Variants in SLCO3A1 observed in about 807,000 individuals in gnomAD.
The protein encoded by SLCO3A1 is solute carrier organic anion transporter family member 3A1, also known as PGE1 transporter.
Under a neutral mutation model 63.1 loss-of-function variants are expected in SLCO3A1, and 27 were observed. That is an observed-to-expected ratio of 0.43 (90% CI 0.32 to 0.59). SLCO3A1 has a LOEUF of 0.59. Ranked by LOEUF, SLCO3A1 falls within the 20% of genes least tolerant of loss-of-function variation. SLCO3A1 has a pLI of 0.09. For synonymous variants in SLCO3A1, 473 were observed against 409.9 expected (o/e 1.15, Z -1.86); for missense variants, 773 against 945.8 (o/e 0.82, Z 2.40).
downstream of SLCO3A1, among the ~76,000 whole-genome samples, chr15:92,170,687 G>A (rs1350851051): frequency 2.6e-5 from 4 of 152,230 alleles, no homozygotes; most frequent in East Asian, 7.7e-4. Context: ...AAGTGAGCCA[G>A]GAGTTGGAGG....
At position 91,863,828 on chromosome 15, in the gene SLCO3A1, G is replaced by A. The variant is rs1897103482; in HGVS notation, c.180+9740G>A. Among the ~76,000 whole-genome samples the A allele has an allele frequency of 6.6e-6, 1 of 152,194 alleles. No homozygotes were observed. Among genetic ancestry groups the A allele is most frequent in the African/African-American group, 2.4e-5 (1 of 41,446 alleles). ...TGTGGCATGTCGTGTCGCCTCCCCA[G>A]TGCTGGTACATACTTTGTAGGTTGG... On this transcript the variant is annotated intron_variant, in intron 1 of 9. Coordinates refer to ENST00000318445, the MANE Select transcript of SLCO3A1 (RefSeq NM_013272.4). This position sits in a 1 kb window ranked among gnomAD's most constrained non-coding sequence, Gnocchi z 4.3.
At chr15:91,924,429 ACGGTAG>A (rs1898946335) in intron 2 of SLCO3A1, among the ~76,000 whole-genome samples, 1 of 152,174 alleles carries the variant, frequency 6.6e-6, no homozygotes, top group Non-Finnish European at 1.5e-5. Context: ...TCAAACACAC[ACGGTAG>A]CTTGCCATGG....
chr15:91,867,151 G>A (rs191860997), intron 1 of SLCO3A1, among the ~76,000 whole-genome samples: 3 of 152,316 alleles, frequency 2.0e-5, no homozygotes, highest in Admixed American at 6.5e-5. Context: ...CATCTCTCTC[G>A]GCCAAGCTTG....
downstream of SLCO3A1, among the ~76,000 whole-genome samples, chr15:92,169,655 C>T (rs974780982): frequency 2.6e-5 from 4 of 152,224 alleles, no homozygotes; most frequent in African/African-American, 9.6e-5. Flanking sequence ...TGCTGGTCAT[C>T]GGCTCCCCCG....
chr15:92,092,126 T>C lies in SLCO3A1; in HGVS notation c.647-2755T>C, dbSNP rs144486545. ...GAGGCCTGGGACCCCAATTGTGCTA[T>C]GATGTCTGGCTAGTCCTCACTTTCA... On this transcript the variant is annotated intron_variant, in intron 2 of 9. Coordinates refer to ENST00000318445, the MANE Select transcript of SLCO3A1 (RefSeq NM_013272.4). Among the ~76,000 whole-genome samples, 438 of 152,292 alleles carry C rather than the reference T, an allele frequency of 2.9e-3. 2 individuals carry two copies. Among genetic ancestry groups the C allele is most frequent in the African/African-American group, 0.01 (423 of 41,578 alleles).
At chr15:92,036,214 A>G (rs2046723647) in intron 2 of SLCO3A1, among the ~76,000 whole-genome samples, 1 of 152,182 alleles carries the variant, frequency 6.6e-6, no homozygotes, top group Admixed American at 6.5e-5. Flanking sequence ...CCTGGAGCAC[A>G]TTCTTTTCTG....
chr15:92,148,918 A>AT (rs1485240345), intron 8 of SLCO3A1: 3 of 152,228 alleles, frequency 2.0e-5, no homozygotes, highest in African/African-American at 7.2e-5. Context: ...TTTAGAGAAG[A>AT]TGATTATAAT....
Position 92,128,350 on chromosome 15 carries a change from GC to G in SLCO3A1, c.1374del (p.Ser458ArgfsTer85). The G allele has an allele frequency of 6.2e-7, 1 of 1,613,458 alleles. No individual in the cohort carries two copies. Among genetic ancestry groups the G allele is most frequent in the Non-Finnish European group, 8.5e-7 (1 of 1,179,788 alleles). On this transcript the variant is annotated frameshift_variant and splice_region_variant, in exon 7 of 10. Coordinates refer to ENST00000318445, the MANE Select transcript of SLCO3A1 (RefSeq NM_013272.4). LOFTEE classifies it high-confidence loss of function. ...GCTTCCGTGTTTCCTTTCTTTTCCAGCACAGCACCTGGCTCAGCCCTGGACC... is the reference window on the plus strand; with the variant it reads ...GCTTCCGTGTTTCCTTTCTTTTCCAGACAGCACCTGGCTCAGCCCTGGACC... ...VAGVTVPYGN[S>X]TAPGSALDPY...
At chr15:92,131,277 T>G (rs1452778594) in intron 7 of SLCO3A1, among the ~76,000 whole-genome samples, 3 of 152,038 alleles carry the variant, frequency 2.0e-5, no homozygotes, top group Non-Finnish European at 4.4e-5. Flanking sequence ...TCTTCAAACA[T>G]GCACTTCTCA....
chr15:91,977,215 A>G (rs1341531699), intron 2 of SLCO3A1, among the ~76,000 whole-genome samples: 6 of 152,198 alleles, frequency 3.9e-5, no homozygotes, highest in African/African-American at 1.4e-4. Flanking sequence ...GAGACCAGCA[A>G]TCAATTCCTC....
At chr15:91,926,598 C>CGCGCGT (rs1899033107) in intron 2 of SLCO3A1, among the ~76,000 whole-genome samples, 2 of 25,606 alleles carry the variant, frequency 7.8e-5, no homozygotes, top group African/African-American at 4.4e-4. Context: ...TGTGTGTGTG[C>CGCGCGT]GCGCGCGCAC....
chr15:91,942,864 C>T lies in SLCO3A1; in HGVS notation c.646+26406C>T, dbSNP rs556607014. Among the ~76,000 whole-genome samples the T allele has an allele frequency of 6.6e-5, 10 of 152,290 alleles. No individual in the cohort carries two copies. Among genetic ancestry groups the T allele is most frequent in the Admixed American group, 2.6e-4 (4 of 15,302 alleles). On this transcript the variant is annotated intron_variant, in intron 2 of 9. Transcript: ENST00000318445. The surrounding 1 kb of genome is among the most constrained non-coding windows in gnomAD (Gnocchi z 4.1). ...ACAGGCATGAGCCACCACACCCAGC[C>T]CTTTGCTGGAAATCTTAAGGGGAGT...
chr15:92,143,422 A>ATATAATATATGTAATAT lies in SLCO3A1; in HGVS notation c.1513-3558_1513-3557insATATATGTAATATTATA, dbSNP rs1567142884. ...ATAATATATATAATATATATATTAT[A>ATATAATATATGTAATAT]TATATATAATATATATAATATATAT... On this transcript the variant is annotated intron_variant, in intron 7 of 9. Transcript: ENST00000318445. Among the ~76,000 whole-genome samples, 2 of 3,406 alleles carry ATATAATATATGTAATAT rather than the reference A, an allele frequency of 5.9e-4. 1 individual carries two copies. Among genetic ancestry groups the ATATAATATATGTAATAT allele is most frequent in the African/African-American group, 4.7e-3 (2 of 424 alleles). 2.2% of individuals were successfully genotyped at this position (3,406 alleles called of 152,430 possible).
At chr15:91,947,060 G>C (rs34850165) in intron 2 of SLCO3A1, among the ~76,000 whole-genome samples, 56,014 of 152,082 alleles carry the variant, frequency 0.37, 11,339 homozygotes, top group East Asian at 0.83. Context: ...ATCGGGTCCC[G>C]AGTGACCACA....
intron 2 of SLCO3A1, among the ~76,000 whole-genome samples, chr15:92,065,933 G>C (rs759970748): frequency 1.3e-5 from 2 of 152,234 alleles, no homozygotes; most frequent in Non-Finnish European, 2.9e-5. Flanking sequence ...AGGAAAGGCA[G>C]TGAGGACACG....
intron 2 of SLCO3A1, among the ~76,000 whole-genome samples, chr15:91,978,383 G>A (rs921418587): frequency 1.3e-5 from 2 of 152,108 alleles, no homozygotes; most frequent in Non-Finnish European, 2.9e-5. Flanking sequence ...TGGCATCCAC[G>A]CAAGGAAAAA....
intron 7 of SLCO3A1, among the ~76,000 whole-genome samples, chr15:92,137,046 A>T (rs1443058469): frequency 1.4e-5 from 2 of 147,792 alleles, no homozygotes; most frequent in Non-Finnish European, 3.0e-5. Flanking sequence ...ATATGTATAC[A>T]TGTGCCATGC....
At position 91,894,745 on chromosome 15, in the gene SLCO3A1, T is replaced by C. The variant is rs941370705; in HGVS notation, c.181-21248T>C. 6.6e-6 allele frequency among the ~76,000 whole-genome samples: 1 copy of C among 152,208 alleles called. No homozygotes were observed. Among genetic ancestry groups the C allele is most frequent in the South Asian group, 2.1e-4 (1 of 4,826 alleles). ...TTTGAATTTCTAAAAGGCTCTCTGG[T>C]GATGTCAGCTACTCCTGCTGGAGCC... On this transcript the variant is annotated intron_variant, in intron 1 of 9. Transcript: ENST00000318445. The surrounding 1 kb of genome is among the most constrained non-coding windows in gnomAD (Gnocchi z 4.8).
chr15:92,145,340 G>A (rs1174966457), intron 7 of SLCO3A1, among the ~76,000 whole-genome samples: 2 of 152,218 alleles, frequency 1.3e-5, no homozygotes, highest in African/African-American at 2.4e-5. Context: ...GGCATTTTAA[G>A]TGAAAGTTGG....
Sources: allele counts gnomAD v4.1 joint callset (sites outside exome capture counted in the v4.1 genomes callset), GRCh38; gene constraint gnomAD v4.1.1; non-coding constraint Gnocchi (gnomAD v3.1); transcripts MANE v1.5; gene names NCBI Gene and HGNC (gene_info 2026-07-23, HGNC 2026-07-21).